Variants in BRAF observed in about 807,000 individuals in gnomAD.
BRAF encodes the protein B-Raf proto-oncogene, serine/threonine kinase.
Under a neutral mutation model 104.6 loss-of-function variants are expected in BRAF, and 16 were observed. The ratio of observed to expected loss-of-function variants is 0.15; its 90% confidence interval spans 0.10 to 0.23. The LOEUF (loss-of-function observed/expected upper bound fraction) is 0.23, where lower values mean the gene tolerates loss of function less well. Ranked by LOEUF, BRAF falls within the 10% of genes least tolerant of loss-of-function variation. The pLI, the probability that BRAF is intolerant of heterozygous loss-of-function variation, is 1.00. For missense variants in BRAF, 541 were observed against 937.3 expected (o/e 0.58, Z 5.52); for synonymous variants, 310 against 341.6 (o/e 0.91, Z 1.02).
chr7:140,812,956 A>G (rs1245573063), intron 3 of BRAF, among the ~76,000 whole-genome samples: 1 of 152,182 alleles, frequency 6.6e-6, no homozygotes, highest in African/African-American at 2.4e-5. Context: ...GAACTAGAAG[A>G]AAGCATGGCA....
downstream of BRAF, among the ~76,000 whole-genome samples, chr7:140,715,254 C>G (rs1055274647): frequency 1.3e-5 from 2 of 152,202 alleles, no homozygotes; most frequent in Non-Finnish European, 2.9e-5. Flanking sequence ...CCCCTGCTGA[C>G]AGCTTCAGCA....
chr7:140,810,101 A>C (rs939689873), intron 3 of BRAF, among the ~76,000 whole-genome samples: 2 of 152,212 alleles, frequency 1.3e-5, no homozygotes, highest in Non-Finnish European at 2.9e-5. Flanking sequence ...TAGCAAACCA[A>C]AAGTTTCCAA....
At chr7:140,899,570 T>G (rs1815366095) in intron 1 of BRAF, among the ~76,000 whole-genome samples, 1 of 152,242 alleles carries the variant, frequency 6.6e-6, no homozygotes, top group South Asian at 2.1e-4. Context: ...ATTGTGGTTT[T>G]AATTTCTATT....
intron 1 of BRAF, among the ~76,000 whole-genome samples, chr7:140,906,278 T>G (rs1196888270): frequency 6.6e-6 from 1 of 152,064 alleles, no homozygotes; most frequent in Non-Finnish European, 1.5e-5. Flanking sequence ...CAAGGATCAC[T>G]GCAGCCTCAA....
At chr7:140,835,493 T>C (rs977328469) in intron 2 of BRAF, 2 of 152,650 alleles carry the variant, frequency 1.3e-5, no homozygotes, top group Admixed American at 6.5e-5. Context: ...CTTCTCAGTA[T>C]GGCTGTTTGA....
rs527702502 is a variant in BRAF at position 140,859,572 on chromosome 7, G to A, written c.139-9360C>T. On this transcript the variant is annotated intron_variant, in intron 1 of 19. Transcript: ENST00000644969. Reference sequence around the variant, plus strand: ...GACCTACATAAATATCCTTTTATGGGAAGATTCAATATTATAATGATGTCA... The same window carrying A: ...GACCTACATAAATATCCTTTTATGGAAAGATTCAATATTATAATGATGTCA... Among the ~76,000 whole-genome samples the A allele has an allele frequency of 3.6e-4, 55 of 152,116 alleles. 1 individual carries two copies. The highest frequency in any genetic ancestry group is 1.2e-3 in the African/African-American group (49 of 41,488).
intron 5 of BRAF, among the ~76,000 whole-genome samples, chr7:140,802,074 T>C (rs978900168): frequency 5.9e-5 from 9 of 151,430 alleles, no homozygotes; most frequent in African/African-American, 2.2e-4. Context: ...CCTTATACAA[T>C]CAGTAATCAG....
intron 14 of BRAF, chr7:140,757,976 A>T (rs1488922359): frequency 6.6e-6 from 1 of 152,198 alleles, no homozygotes. Context: ...GCCTATTGAT[A>T]ATATTGCTAT....
chr7:140,769,224 C>T (rs1489428837), intron 14 of BRAF, among the ~76,000 whole-genome samples: 2 of 152,080 alleles, frequency 1.3e-5, no homozygotes, highest in East Asian at 1.9e-4. Flanking sequence ...TTACAGGCAC[C>T]GGCCACCATG....
At chr7:140,781,976 T>C (rs1800922603) in intron 11 of BRAF, among the ~76,000 whole-genome samples, 2 of 152,186 alleles carry the variant, frequency 1.3e-5, no homozygotes, top group African/African-American at 2.4e-5. Context: ...TTGTTACTTA[T>C]GTATACATGT....
At chr7:140,899,260 T>C (rs1036564499) in intron 1 of BRAF, among the ~76,000 whole-genome samples, 1 of 114,436 alleles carries the variant, frequency 8.7e-6, no homozygotes, top group Non-Finnish European at 1.6e-5. Flanking sequence ...CAAAGCAAAC[T>C]ATCAGGCTCC....
chr7:140,774,015 TAAGAGGAGTTTCAACCTGCCA>T (rs1800090385), intron 14 of BRAF, among the ~76,000 whole-genome samples: 1 of 152,230 alleles, frequency 6.6e-6, no homozygotes, highest in Admixed American at 6.5e-5. Context: ...GCCCTGTTAA[TAAGAGGAGTTTCAACCTGCCA>T]AATCCTTCAG....
intron 5 of BRAF, among the ~76,000 whole-genome samples, chr7:140,807,003 T>C (rs1212770205): frequency 6.6e-6 from 1 of 152,098 alleles, no homozygotes; most frequent in Non-Finnish European, 1.5e-5. Context: ...ATTCCATACA[T>C]AGAGAAAAGT....
chr7:140,832,795 T>C (rs1212684029), intron 3 of BRAF, among the ~76,000 whole-genome samples: 1 of 152,166 alleles, frequency 6.6e-6, no homozygotes, highest in Non-Finnish European at 1.5e-5. Flanking sequence ...TATTTCTTTT[T>C]AAAAGGGAAA....
chr7:140,744,053 C>T (rs935874740), intron 17 of BRAF, among the ~76,000 whole-genome samples: 2 of 152,192 alleles, frequency 1.3e-5, no homozygotes, highest in South Asian at 2.1e-4. Flanking sequence ...GCTCTTGGCT[C>T]CTGGGAGGTA....
At chr7:140,808,197 G>C in intron 4 of BRAF, 135 bp from the exon 5 acceptor site, 1 of 715,676 alleles carries the variant, frequency 1.4e-6, no homozygotes, top group South Asian at 1.5e-5. Flanking sequence ...ATATTCCATC[G>C]TTAGAAATTT....
At chr7:140,820,758 A>G (rs1359404952) in intron 3 of BRAF, among the ~76,000 whole-genome samples, 1 of 152,084 alleles carries the variant, frequency 6.6e-6, no homozygotes, top group East Asian at 1.9e-4. Context: ...TGGGCAACAT[A>G]GCAAGGCCCT....
intron 3 of BRAF, among the ~76,000 whole-genome samples, chr7:140,829,074 C>A (rs957501383): frequency 4.0e-5 from 6 of 151,658 alleles, no homozygotes; most frequent in Non-Finnish European, 5.9e-5. Context: ...TGGGTTTTGT[C>A]TTTTTCTTGC....
chr7:140,722,418 T>C lies in BRAF; in HGVS notation c.*4076A>G. On this transcript the variant is annotated 3_prime_UTR_variant, in exon 20 of 20. Coordinates refer to ENST00000644969, the MANE Select transcript of BRAF (RefSeq NM_001374258.1). Reference sequence around the variant, plus strand: ...TCTGCTAAAATGTTAGCTTTTTTATTGCATCATGAAGGCACAGTAAGATCA... The same window carrying C: ...TCTGCTAAAATGTTAGCTTTTTTATCGCATCATGAAGGCACAGTAAGATCA... 9.5e-7 allele frequency: 1 copy of C among 1,054,582 alleles called. No homozygotes were observed. Among genetic ancestry groups the C allele is most frequent in the Non-Finnish European group, 1.1e-6 (1 of 872,568 alleles). 65.3% of individuals were successfully genotyped at this position (1,054,582 alleles called of 1,614,324 possible).
Sources: gnomAD v4.1 joint callset for allele counts (sites outside exome capture counted in the v4.1 genomes callset) on GRCh38, gnomAD v4.1.1 for gene constraint, MANE v1.5 for transcripts, NCBI Gene and HGNC (gene_info 2026-07-23, HGNC 2026-07-21) for gene names.